HTR7: variants seen among roughly 807,000 people sequenced by gnomAD.
HTR7 encodes 5-hydroxytryptamine receptor 7, also known as 5-HT-7.
Under a neutral mutation model 34.0 loss-of-function variants are expected in HTR7, and 16 were observed. The observed-to-expected ratio is 0.47, with a 90% CI of 0.32 to 0.71. HTR7 has a LOEUF of 0.71. Among genes scored for constraint, HTR7 ranks in the 30% least tolerant of loss-of-function variants. The pLI, the probability that HTR7 is intolerant of heterozygous loss-of-function variation, is 0.04. For missense variants in HTR7, 504 were observed against 625.5 expected, an observed-to-expected ratio of 0.81 and a Z score of 2.07; for synonymous variants, 265 against 260.2, an observed-to-expected ratio of 1.02 and a Z score of -0.18.
At chr10:90,802,314 T>C (rs1046801408) in intron 1 of HTR7, among the ~76,000 whole-genome samples, 1 of 152,368 alleles carries the variant, frequency 6.6e-6, no homozygotes, top group Middle Eastern at 3.4e-3. Context: ...AACACACTGT[T>C]CTGAATGTGT....
At chr10:90,775,200 A>G (rs1845186723) in intron 1 of HTR7, among the ~76,000 whole-genome samples, 1 of 152,186 alleles carries the variant, frequency 6.6e-6, no homozygotes, top group African/African-American at 2.4e-5. Flanking sequence ...TGTTTATTGA[A>G]GTCGAGGGCC....
At chr10:90,841,345 C>G (rs1846326820) in intron 1 of HTR7, among the ~76,000 whole-genome samples, 1 of 152,190 alleles carries the variant, frequency 6.6e-6, no homozygotes, top group South Asian at 2.1e-4. Flanking sequence ...CAAGTTCCCA[C>G]AAACTCAGTG....
chr10:90,810,547 C>G (rs1845789513), intron 1 of HTR7, among the ~76,000 whole-genome samples: 1 of 152,216 alleles, frequency 6.6e-6, no homozygotes, highest in South Asian at 2.1e-4. Context: ...ACAAGCCTTA[C>G]AAGTTAGTTC....
intron 1 of HTR7, among the ~76,000 whole-genome samples, chr10:90,768,425 T>A (rs1845056070): frequency 1.3e-5 from 2 of 152,228 alleles, no homozygotes; most frequent in African/African-American, 2.4e-5. Flanking sequence ...TGCTTCAAAT[T>A]CTGTTTCCAT....
chr10:90,803,392 G>C (rs1050966386), intron 1 of HTR7, among the ~76,000 whole-genome samples: 4 of 152,088 alleles, frequency 2.6e-5, no homozygotes, highest in Non-Finnish European at 5.9e-5. Context: ...TGCACAGTAC[G>C]TTTACTGGAG....
intron 1 of HTR7, among the ~76,000 whole-genome samples, chr10:90,790,565 C>T (rs756260124): frequency 6.7e-4 from 102 of 152,040 alleles, no homozygotes; most frequent in African/African-American, 3.1e-4. Context: ...CTGATGAATC[C>T]GTTAATTGAC....
intron 1 of HTR7, among the ~76,000 whole-genome samples, chr10:90,834,227 T>C (rs1382465541): frequency 6.6e-6 from 1 of 152,164 alleles, no homozygotes; most frequent in Non-Finnish European, 1.5e-5. Context: ...GGCTAGGCCT[T>C]AGGTGTGCAA....
chr10:90,857,550 G>C lies in HTR7; in HGVS notation c.122C>G (p.Ala41Gly). 6.3e-7 allele frequency: 1 copy of C among 1,599,770 alleles called. No homozygotes were observed. Residue 41 changes from alanine to glycine, a missense_variant, in exon 1 of 4, where the codon GCG becomes GGG. By Grantham distance (60) the Ala-to-Gly change is moderately conservative. This residue lies in a region of HTR7 where 139 missense variants were observed against 117.1 expected (regional missense o/e 1.19). Transcript: ENST00000336152. This position sits in a 1 kb window ranked among gnomAD's most constrained non-coding sequence, Gnocchi z 6.5. ...LSPDGGADPV[A>G]GSWAPHLLSE... ...CAGCAGGTGCGGCGCCCAGGAGCCC[G>C]CGACCGGGTCGGCGCCACCGTCGGG...
intron 1 of HTR7, among the ~76,000 whole-genome samples, chr10:90,799,307 A>G (rs193298507): frequency 1.3e-3 from 201 of 152,094 alleles, no homozygotes; most frequent in South Asian, 2.5e-3. Context: ...TTTGAGTAAT[A>G]AAACTCATGT....
intron 1 of HTR7, among the ~76,000 whole-genome samples, chr10:90,809,425 A>T (rs944049399): frequency 2.0e-5 from 3 of 152,182 alleles, no homozygotes; most frequent in Non-Finnish European, 2.9e-5. Flanking sequence ...ACCCTAAAAC[A>T]TCAAAAGGCT....
At chr10:90,765,920 G>A (rs1845013762) in intron 1 of HTR7, among the ~76,000 whole-genome samples, 2 of 152,118 alleles carry the variant, frequency 1.3e-5, no homozygotes, top group Admixed American at 6.5e-5. Context: ...AATTTGTGAA[G>A]CATATTTTGT....
intron 1 of HTR7, among the ~76,000 whole-genome samples, chr10:90,806,133 A>C (rs1423110473): frequency 6.6e-6 from 1 of 152,202 alleles, no homozygotes; most frequent in East Asian, 1.9e-4. Flanking sequence ...TTTTTGCTAA[A>C]GAAAAAGTAA....
intron 1 of HTR7, among the ~76,000 whole-genome samples, chr10:90,754,364 A>G (rs1285928483): frequency 6.6e-6 from 1 of 152,134 alleles, no homozygotes; most frequent in Admixed American, 6.5e-5. Flanking sequence ...AACCTTGTAT[A>G]GGATAAATCT....
intron 1 of HTR7, among the ~76,000 whole-genome samples, chr10:90,788,941 A>C (rs1845423832): frequency 6.6e-6 from 1 of 152,142 alleles, no homozygotes; most frequent in African/African-American, 2.4e-5. Context: ...GACCTTGCTC[A>C]AGTGTCACCT....
At position 90,773,062 on chromosome 10, in the gene HTR7, C is replaced by T. The variant is rs550631464; in HGVS notation, c.540-23468G>A. 2.0e-5 allele frequency among the ~76,000 whole-genome samples: 3 copies of T among 152,324 alleles called. No individual in the cohort carries two copies. In the East Asian group the frequency reaches 5.8e-4, roughly 29 times the overall value. On this transcript the variant is annotated intron_variant, in intron 1 of 3. Coordinates refer to ENST00000336152, the MANE Select transcript of HTR7 (RefSeq NM_019859.4). ...CATACACATGCTCTTCTCATATAAT[C>T]CCAATTTTCCATTTCCAGTTGAAGA... is the stretch of plus-strand genomic sequence containing the variant.
rs75570767 is a variant in HTR7, at chr10:90,785,940, A to T, written c.540-36346T>A. On this transcript the variant is annotated intron_variant, in intron 1 of 3. Coordinates refer to ENST00000336152, the MANE Select transcript of HTR7 (RefSeq NM_019859.4). Reference sequence around the variant, plus strand: ...GCTGAGCAACCCGACCTGGGAATGTATCTGCCCCTGAAGTGTGATTTCTCA... The same window carrying T: ...GCTGAGCAACCCGACCTGGGAATGTTTCTGCCCCTGAAGTGTGATTTCTCA... 3.3e-3 allele frequency among the ~76,000 whole-genome samples: 508 copies of T among 152,298 alleles called. 2 individuals are homozygous for T. Among genetic ancestry groups the T allele is most frequent in the Admixed American group, 5.8e-3 (88 of 15,298 alleles).
chr10:90,819,166 G>A (rs1280506193), intron 1 of HTR7, among the ~76,000 whole-genome samples: 2 of 152,052 alleles, frequency 1.3e-5, no homozygotes, highest in African/African-American at 4.8e-5. Context: ...CCAAAATGAA[G>A]TAAGAGATAT....
intron 1 of HTR7, among the ~76,000 whole-genome samples, chr10:90,821,647 A>T (rs1283542723): frequency 6.6e-6 from 1 of 152,184 alleles, no homozygotes; most frequent in African/African-American, 2.4e-5. Flanking sequence ...CTAGTGAGAC[A>T]CCAACCAGTA....
intron 1 of HTR7, among the ~76,000 whole-genome samples, chr10:90,815,763 AC>A (rs1845890365): frequency 1.3e-5 from 2 of 152,182 alleles, no homozygotes; most frequent in South Asian, 4.1e-4. Flanking sequence ...CTAAATGAGA[AC>A]CAGTAAGATT....
Sources: gnomAD v4.1 joint callset for allele counts (sites outside exome capture counted in the v4.1 genomes callset) on GRCh38, gnomAD v4.1.1 for gene constraint, gnomAD v4.1.1 regional missense constraint, Gnocchi (gnomAD v3.1) non-coding constraint, MANE v1.5 for transcripts, NCBI Gene and HGNC (gene_info 2026-07-23, HGNC 2026-07-21) for gene names.